TFCP2L1: variants seen among roughly 807,000 people sequenced by gnomAD.
TFCP2L1 encodes transcription factor CP2 like 1.
Under a neutral mutation model 72.2 loss-of-function variants are expected in TFCP2L1, and 12 were observed. The ratio of observed to expected loss-of-function variants is 0.17; its 90% CI spans 0.11 to 0.27. The LOEUF is 0.27. Ranked by LOEUF, TFCP2L1 falls within the 10% of genes least tolerant of loss-of-function variation. TFCP2L1 has a pLI of 1.00. For missense variants in TFCP2L1, 488 were observed against 624.6 expected, an observed-to-expected ratio of 0.78 and a Z score of 2.33; for synonymous variants, 260 against 251.0, an observed-to-expected ratio of 1.04 and a Z score of -0.34.
At chr2:121,272,988 G>A (rs902169845) in intron 2 of TFCP2L1, among the ~76,000 whole-genome samples, 5 of 152,052 alleles carry the variant, frequency 3.3e-5, no homozygotes, top group African/African-American at 1.2e-4. Context: ...TCATCATCCT[G>A]AACTGCTTAG....
At chr2:121,255,886 G>T (rs960330953) in intron 2 of TFCP2L1, among the ~76,000 whole-genome samples, 2 of 152,108 alleles carry the variant, frequency 1.3e-5, no homozygotes, top group African/African-American at 4.8e-5. Context: ...GGGACTGCAG[G>T]CGCCCGCCAC....
At chr2:121,231,776 T>C (rs1228096233) in intron 13 of TFCP2L1, 50 bp downstream of exon 13, 11 of 1,597,964 alleles carry the variant, frequency 6.9e-6, no homozygotes, top group African/African-American at 1.3e-5. Context: ...CTGACACTCC[T>C]CCCGTGGCCC....
chr2:121,274,318 A>AT (rs1336548176), intron 2 of TFCP2L1, among the ~76,000 whole-genome samples: 2 of 152,204 alleles, frequency 1.3e-5, no homozygotes, highest in Non-Finnish European at 2.9e-5. Context: ...CAGGTTGAGC[A>AT]TCCCTAATCC....
intron 13 of TFCP2L1, among the ~76,000 whole-genome samples, chr2:121,230,475 G>C: frequency 6.6e-6 from 1 of 151,392 alleles, no homozygotes; most frequent in East Asian, 2.0e-4. Context: ...CCCAGCCACA[G>C]CTCTATGTTT....
At chr2:121,261,768 T>C (rs547298064) in intron 2 of TFCP2L1, among the ~76,000 whole-genome samples, 2 of 152,234 alleles carry the variant, frequency 1.3e-5, no homozygotes, top group African/African-American at 2.4e-5. Flanking sequence ...CTCCAAGTCA[T>C]ATCCTCCACC....
chr2:121,241,611 A>G (rs1289532617), intron 7 of TFCP2L1, among the ~76,000 whole-genome samples: 1 of 152,186 alleles, frequency 6.6e-6, no homozygotes, highest in East Asian at 1.9e-4. Flanking sequence ...AGAAAATGCA[A>G]CCAGACAGCA....
intron 2 of TFCP2L1, among the ~76,000 whole-genome samples, chr2:121,263,632 A>G (rs1686870648): frequency 6.6e-6 from 1 of 152,232 alleles, no homozygotes; most frequent in African/African-American, 2.4e-5. Context: ...CCAAGTGTGG[A>G]GACAGGTGTC....
intron 2 of TFCP2L1, among the ~76,000 whole-genome samples, chr2:121,263,411 C>T (rs1051954308): frequency 4.3e-5 from 6 of 139,224 alleles, no homozygotes; most frequent in Non-Finnish European, 6.0e-5. Flanking sequence ...TTCTTGAAGA[C>T]GCACAAGCAA....
chr2:121,275,811 T>C (rs1342684234), intron 2 of TFCP2L1, among the ~76,000 whole-genome samples: 1 of 152,164 alleles, frequency 6.6e-6, no homozygotes, highest in Non-Finnish European at 1.5e-5. Flanking sequence ...CCTCAGATGA[T>C]CCACCTGCCT....
rs553726230 is a variant in TFCP2L1, at chr2:121,242,578, C to T, written c.658-109G>A. The T allele has an allele frequency of 4.9e-6, 5 of 1,020,460 alleles. No homozygotes were observed. The African/African-American group carries it at 7.8e-5, about 16-fold the overall frequency. 63.2% of individuals were successfully genotyped at this position (1,020,460 alleles called of 1,614,324 possible). A position where few individuals can be genotyped will look rare whatever the true frequency, so the allele number is the denominator to read the frequency against. The stretch of plus-strand genomic sequence containing the variant: ...CAGGGCCCCAGGGCGCAGGGAGGAA[C>T]TCAGGGGCAGGACAGCACCTATCTC... On this transcript the variant is annotated intron_variant, in intron 6 of 14. Coordinates refer to ENST00000263707, the MANE Select transcript of TFCP2L1 (RefSeq NM_014553.3).
chr2:121,243,000 G>C (rs970675128), intron 6 of TFCP2L1, among the ~76,000 whole-genome samples: 2 of 152,198 alleles, frequency 1.3e-5, no homozygotes, highest in African/African-American at 4.8e-5. Context: ...GGGTGTACAG[G>C]CTTCACAGCT....
At chr2:121,284,025 T>C (rs1573405512) in intron 1 of TFCP2L1, among the ~76,000 whole-genome samples, 1 of 152,344 alleles carries the variant, frequency 6.6e-6, no homozygotes, top group East Asian at 1.9e-4. Context: ...GAAAAGGGGA[T>C]GTCTTCAGGG....
intron 8 of TFCP2L1, among the ~76,000 whole-genome samples, chr2:121,238,278 G>A (rs1055827996): frequency 1.3e-5 from 2 of 152,192 alleles, no homozygotes; most frequent in South Asian, 4.1e-4. Flanking sequence ...CAAACCCTTT[G>A]TCAGGTGGTG....
intron 2 of TFCP2L1, among the ~76,000 whole-genome samples, chr2:121,267,554 C>T (rs542416318): frequency 4.8e-4 from 73 of 151,386 alleles, no homozygotes; most frequent in Middle Eastern, 3.4e-3. Flanking sequence ...AGTGCAGTGG[C>T]GCGATCTCGA....
At chr2:121,225,638 T>A in intron 13 of TFCP2L1, 25 bp from the exon 14 acceptor site, 1 of 1,613,562 alleles carries the variant, frequency 6.2e-7, no homozygotes. Flanking sequence ...AGAGAACATG[T>A]TCCTTCAACC....
chr2:121,259,534 A>G (rs972115357), intron 2 of TFCP2L1, among the ~76,000 whole-genome samples: 17 of 152,260 alleles, frequency 1.1e-4, no homozygotes, highest in Non-Finnish European at 2.1e-4. Flanking sequence ...ACTAACCATA[A>G]TAACTTTTTA....
At chr2:121,263,318 G>A (rs1298740418) in intron 2 of TFCP2L1, among the ~76,000 whole-genome samples, 2 of 152,108 alleles carry the variant, frequency 1.3e-5, no homozygotes, top group Admixed American at 6.5e-5. Flanking sequence ...ATCCATAGTA[G>A]ATGAACAATA....
chr2:121,284,674 C>G (rs1687329705), intron 1 of TFCP2L1, among the ~76,000 whole-genome samples: 1 of 152,216 alleles, frequency 6.6e-6, no homozygotes. Context: ...CACCAGGCTG[C>G]TGGCAGGAAG....
At chr2:121,238,053 T>C (rs1014489321) in intron 8 of TFCP2L1, among the ~76,000 whole-genome samples, 2 of 152,194 alleles carry the variant, frequency 1.3e-5, no homozygotes, top group Non-Finnish European at 1.5e-5. Flanking sequence ...TGAGCCTTCA[T>C]TGTAGACAGC....
Sources: gnomAD v4.1 joint callset for allele counts (sites outside exome capture counted in the v4.1 genomes callset) on GRCh38, gnomAD v4.1.1 for gene constraint, MANE v1.5 for transcripts, NCBI Gene and HGNC (gene_info 2026-07-23, HGNC 2026-07-21) for gene names.